SLC43A1: variants seen among roughly 807,000 people sequenced by gnomAD.
SLC43A1 encodes the protein solute carrier family 43 member 1.
SLC43A1 carries 31 observed loss-of-function variants against 59.5 expected under a neutral mutation model. The ratio of observed to expected loss-of-function variants is 0.52; its 90% CI spans 0.39 to 0.70. The LOEUF is 0.70. Among genes scored for constraint, SLC43A1 ranks in the 30% least tolerant of loss-of-function variants. The probability of loss-of-function intolerance (pLI) is 0.00; values close to 1 mark genes in which losing one functional copy is unlikely to be tolerated. For missense variants in SLC43A1, 598 were observed against 717.8 expected (o/e 0.83, Z 1.91); for synonymous variants, 259 against 290.9 (o/e 0.89, Z 1.12).
Position 57,484,942 on chromosome 11 carries a change from T to C in SLC43A1, c.*154A>G. The C allele has an allele frequency of 1.1e-6, 1 of 945,680 alleles. No individual in the cohort carries two copies. Among genetic ancestry groups the C allele is most frequent in the Non-Finnish European group, 1.5e-6 (1 of 671,832 alleles). 58.6% of individuals were successfully genotyped at this position (945,680 alleles called of 1,614,324 possible). On this transcript the variant is annotated 3_prime_UTR_variant, in exon 15 of 15. Transcript: ENST00000278426. ...TTTGAAGGTTTTTTTTCCTCCTTTT[T>C]GCAGTCTTTACAAAAATAGAACTTC...
At chr11:57,492,735 CA>C (rs56237225) in intron 8 of SLC43A1, among the ~76,000 whole-genome samples, 18 of 83,524 alleles carry the variant, frequency 2.2e-4, no homozygotes, top group Admixed American at 3.5e-4. Flanking sequence ...CTCTATTTTA[CA>C]AAAAAAAAAA....
chr11:57,515,121 C>A lies in SLC43A1; in HGVS notation c.-14+323G>T. 1.0e-6 allele frequency: 1 copy of A among 966,206 alleles called. No homozygotes were observed. Among genetic ancestry groups the A allele is most frequent in the Non-Finnish European group, 1.2e-6 (1 of 812,512 alleles). 59.9% of individuals were successfully genotyped at this position (966,206 alleles called of 1,614,324 possible). On this transcript the variant is annotated intron_variant, in intron 1 of 14. Coordinates refer to ENST00000278426, the MANE Select transcript of SLC43A1 (RefSeq NM_003627.6). This position sits in a 1 kb window ranked among gnomAD's most constrained non-coding sequence, Gnocchi z 5.3. ...GTACCAGTCACTTCTTCCAGGGGGA[C>A]TCGGTATTCTCATCTGTGAAACGGG...
intron 2 of SLC43A1, among the ~76,000 whole-genome samples, chr11:57,505,283 A>T (rs562104070): frequency 1.2e-4 from 19 of 152,360 alleles, no homozygotes; most frequent in African/African-American, 3.6e-4. Flanking sequence ...AAGCCAAAGC[A>T]GGTGGATCAC....
At chr11:57,510,314 C>T (rs1261911650) in intron 2 of SLC43A1, among the ~76,000 whole-genome samples, 6 of 151,672 alleles carry the variant, frequency 4.0e-5, no homozygotes, top group Non-Finnish European at 7.4e-5. Context: ...AAAAATTAGC[C>T]GGGCGTGGTG....
intron 2 of SLC43A1, among the ~76,000 whole-genome samples, chr11:57,511,554 G>A (rs1944546473): frequency 6.6e-6 from 1 of 152,088 alleles, no homozygotes. Context: ...TGATCCTCCT[G>A]CCTTAGCCTT....
chr11:57,490,509 C>T (rs776558551), intron 11 of SLC43A1, among the ~76,000 whole-genome samples: 2 of 152,162 alleles, frequency 1.3e-5, no homozygotes, highest in Middle Eastern at 3.2e-3. Context: ...GGGTCTCTGT[C>T]GCTTAGCCCT....
intron 14 of SLC43A1, among the ~76,000 whole-genome samples, chr11:57,486,563 G>T (rs1324603870): frequency 6.6e-6 from 1 of 150,998 alleles, no homozygotes; most frequent in Admixed American, 6.6e-5. Context: ...ACTTTGGGAG[G>T]CTGAGGAGGG....
At chr11:57,510,335 G>A (rs1944505790) in intron 2 of SLC43A1, among the ~76,000 whole-genome samples, 1 of 151,792 alleles carries the variant, frequency 6.6e-6, no homozygotes, top group East Asian at 1.9e-4. Flanking sequence ...GTGGACGCCT[G>A]TAATCCCATC....
At chr11:57,510,681 T>A (rs749313382) in intron 2 of SLC43A1, among the ~76,000 whole-genome samples, 31 of 151,408 alleles carry the variant, frequency 2.0e-4, no homozygotes, top group Non-Finnish European at 3.5e-4. Context: ...ATTAAAAAAT[T>A]AAAATTAAAT....
In SLC43A1 at chr11:57,514,256, G is replaced by C. The variant is rs1248455019; in HGVS notation, c.-13-132C>G. On this transcript the variant is annotated intron_variant, in intron 1 of 14. Transcript: ENST00000278426. This position sits in a 1 kb window ranked among gnomAD's most constrained non-coding sequence, Gnocchi z 5.5. ...CTCATGGAGGCCCCATAGAGCCCTG[G>C]GCTTCCCAGCCGGTGCCAAGGAGCT... 2.7e-6 allele frequency: 3 copies of C among 1,129,740 alleles called. No homozygotes were observed. Among genetic ancestry groups the C allele is most frequent in the Non-Finnish European group, 3.6e-6 (3 of 822,278 alleles). The allele number at this position is 1,129,740 out of a possible 1,614,324, so 70.0% of individuals were successfully genotyped here.
chr11:57,507,183 C>T (rs983542962), intron 2 of SLC43A1, among the ~76,000 whole-genome samples: 4 of 152,228 alleles, frequency 2.6e-5, no homozygotes, highest in South Asian at 2.1e-4. Flanking sequence ...AAAAATTAGC[C>T]GAGGCCAGGT....
At chr11:57,511,608 C>T (rs575647348) in intron 2 of SLC43A1, among the ~76,000 whole-genome samples, 43 of 152,172 alleles carry the variant, frequency 2.8e-4, no homozygotes, top group African/African-American at 9.6e-4. Context: ...CCCAGCCAGA[C>T]CATTATTCAT....
chr11:57,506,979 T>C (rs1944409131), intron 2 of SLC43A1, among the ~76,000 whole-genome samples: 1 of 152,162 alleles, frequency 6.6e-6, no homozygotes, highest in South Asian at 2.1e-4. Flanking sequence ...CCCTTATAGG[T>C]AGGTCAGAGG....
At position 57,496,191 on chromosome 11, in the gene SLC43A1, G is replaced by C. The variant is rs1944081860; in HGVS notation, c.559-27C>G. ...TGTGAGAGGAGGGGGCAGGCCCGTG[G>C]GGGAGACTGCCTGGCCCCAGACCCC... is the stretch of plus-strand genomic sequence containing the variant. On this transcript the variant is annotated intron_variant, in intron 6 of 14. Transcript: ENST00000278426. 9 of 1,612,400 alleles carry C rather than the reference G, an allele frequency of 5.6e-6. No individual in the cohort carries two copies. In the East Asian group the frequency reaches 2.0e-4, roughly 36 times the overall value.
chr11:57,487,012 G>C, intron 14 of SLC43A1, 83 bp downstream of exon 14: 3 of 1,463,236 alleles, frequency 2.1e-6, no homozygotes, highest in Non-Finnish European at 2.8e-6. Flanking sequence ...TGAGATGAGT[G>C]AGGGATGGCA....
In SLC43A1 at chr11:57,485,158, C is replaced by G; in HGVS notation, c.1618G>C (p.Glu540Gln). The G allele has an allele frequency of 1.2e-6, 2 of 1,614,122 alleles. No individual in the cohort carries two copies. Among genetic ancestry groups the G allele is most frequent in the Non-Finnish European group, 1.7e-6 (2 of 1,180,022 alleles). ...LFYYRARLQQ[E>Q]YAANGMGPLK... ...GGGCCCATCCCATTGGCGGCGTACTCCTGCTGGAGCCGGGCACGGTAATAG... is the reference window on the plus strand; with the variant it reads ...GGGCCCATCCCATTGGCGGCGTACTGCTGCTGGAGCCGGGCACGGTAATAG... The change falls in exon 15 of 15, where the codon GAG becomes CAG. Residue 540 changes from glutamate to glutamine, a missense_variant. Glu to Gln is a conservative substitution (Grantham distance 29). Coordinates refer to ENST00000278426, the MANE Select transcript of SLC43A1 (RefSeq NM_003627.6).
At chr11:57,496,530 C>G (rs897247203) in intron 6 of SLC43A1, among the ~76,000 whole-genome samples, 1 of 152,154 alleles carries the variant, frequency 6.6e-6, no homozygotes, top group Non-Finnish European at 1.5e-5. Flanking sequence ...TTTCATAGTA[C>G]GTACAAAGGA....
chr11:57,484,869 A>C lies in SLC43A1; in HGVS notation c.*227T>G. The C allele has an allele frequency of 2.2e-6, 1 of 456,420 alleles. No individual in the cohort carries two copies. The allele number at this position is 456,420 out of a possible 1,614,324, so 28.3% of individuals were successfully genotyped here. On this transcript the variant is annotated 3_prime_UTR_variant, in exon 15 of 15. Coordinates refer to ENST00000278426, the MANE Select transcript of SLC43A1 (RefSeq NM_003627.6). ...AGGAGGAAGAAGGCTCAACCCCTCTAGGATAGGGACTGTCTTCAGTCAATG... is the reference window on the plus strand; with the variant it reads ...AGGAGGAAGAAGGCTCAACCCCTCTCGGATAGGGACTGTCTTCAGTCAATG...
intron 11 of SLC43A1, among the ~76,000 whole-genome samples, 189 bp downstream of exon 11, chr11:57,491,035 G>A (rs1943881497): frequency 6.6e-6 from 1 of 152,234 alleles, no homozygotes; most frequent in Non-Finnish European, 1.5e-5. Context: ...CTCTGCATTA[G>A]CTATTCTTAT....
Sources: gnomAD v4.1 joint callset for allele counts (sites outside exome capture counted in the v4.1 genomes callset) on GRCh38, gnomAD v4.1.1 for gene constraint, Gnocchi (gnomAD v3.1) non-coding constraint, MANE v1.5 for transcripts, NCBI Gene and HGNC (gene_info 2026-07-23, HGNC 2026-07-21) for gene names.